NKX2-5: variants seen among roughly 807,000 people sequenced by gnomAD.
The protein encoded by NKX2-5 is NK2 homeobox 5.
NKX2-5 carries 3 observed loss-of-function variants against 24.5 expected under a neutral mutation model. The observed-to-expected ratio is 0.12, with a 90% CI of 0.06 to 0.32. The LOEUF is 0.32. NKX2-5 is among the 10% of genes least tolerant of loss of function. The pLI is 1.00. For synonymous variants in NKX2-5, 215 were observed against 217.6 expected, an observed-to-expected ratio of 0.99 and a Z score of 0.11; for missense variants, 429 against 452.4, an observed-to-expected ratio of 0.95 and a Z score of 0.47.
chr5:173,232,560 G>A lies in NKX2-5; in HGVS notation c.*9C>T. On this transcript the variant is annotated 3_prime_UTR_variant, in exon 2 of 2. Transcript: ENST00000329198. This position sits in a 1 kb window ranked among gnomAD's most constrained non-coding sequence, Gnocchi z 5.9. Reference sequence around the variant, plus strand: ...GATCGGTCAGGGTCGCGCCACGCGGGTCCCTTCCCTACCAGGCTCGGATAC... The same window carrying A: ...GATCGGTCAGGGTCGCGCCACGCGGATCCCTTCCCTACCAGGCTCGGATAC... The A allele has an allele frequency of 1.9e-6, 3 of 1,605,458 alleles. No homozygotes were observed. The highest frequency in any genetic ancestry group is 2.5e-6 in the Non-Finnish European group (3 of 1,179,942).
chr5:173,232,296 G>C lies in NKX2-5; in HGVS notation c.*273C>G, dbSNP rs1354201241. On this transcript the variant is annotated 3_prime_UTR_variant, in exon 2 of 2. Coordinates refer to ENST00000329198, the MANE Select transcript of NKX2-5 (RefSeq NM_004387.4). This position sits in a 1 kb window ranked among gnomAD's most constrained non-coding sequence, Gnocchi z 5.9. The stretch of plus-strand genomic sequence containing the variant: ...CCCGAGCTCAGTCCCAGTTCCAACC[G>C]GGGGTGCCCATGGACTCTCGGAGGG... 2 of 548,456 alleles carry C rather than the reference G, an allele frequency of 3.6e-6. No homozygotes were observed. Among genetic ancestry groups the C allele is most frequent in the Non-Finnish European group, 3.1e-6 (1 of 320,030 alleles). The allele number at this position is 548,456 out of a possible 1,614,324, so 34.0% of individuals were successfully genotyped here. A position where few individuals can be genotyped will look rare whatever the true frequency, so the allele number is the denominator to read the frequency against.
rs1325563759 is a variant in NKX2-5, at chr5:173,232,380, A to T, written c.*189T>A. On this transcript the variant is annotated 3_prime_UTR_variant, in exon 2 of 2. Transcript: ENST00000329198. This position sits in a 1 kb window ranked among gnomAD's most constrained non-coding sequence, Gnocchi z 5.9. The stretch of plus-strand genomic sequence containing the variant: ...CAGGATCACTCATTGCACGCTGCAT[A>T]ATCGCCGCCACAAACTCTCCCGTGC... 1 of 1,097,048 alleles carries T rather than the reference A, an allele frequency of 9.1e-7. No homozygotes were observed. Among genetic ancestry groups the T allele is most frequent in the African/African-American group, 1.6e-5 (1 of 63,626 alleles). 68.0% of individuals were successfully genotyped at this position (1,097,048 alleles called of 1,614,324 possible). A position where few individuals can be genotyped will look rare whatever the true frequency, so the allele number is the denominator to read the frequency against.
chr5:173,233,071 T>A lies in NKX2-5; in HGVS notation c.473A>T (p.Lys158Met), dbSNP rs1761358755. Residue 158 changes from lysine (K) to methionine (M), a missense_variant, in exon 2 of 2, where the codon AAG becomes ATG. Physicochemically the swap from Lys to Met is moderately conservative, Grantham distance 95. Around this residue, in one of 3 missense-constraint regions of NKX2-5, gnomAD observed 240 missense variants for 240.4 expected, o/e 1.00. Coordinates refer to ENST00000329198, the MANE Select transcript of NKX2-5 (RefSeq NM_004387.4). ...GGGGGCCGACAGGTACCGCTGCTGC[T>A]TGAAGCGCCGCTCCAGCTCATAGAC... ...AQVYELERRFKQQRYLSAPER... is the reference protein window; with the variant it reads ...AQVYELERRFMQQRYLSAPER... The A allele has an allele frequency of 6.2e-7, 1 of 1,602,644 alleles. No individual in the cohort carries two copies. Among genetic ancestry groups the A allele is most frequent in the Non-Finnish European group, 8.5e-7 (1 of 1,175,374 alleles).
At chr5:173,233,274 G>A (rs1460973806) in intron 1 of NKX2-5, 65 bp from the exon 2 acceptor site, 4 of 1,561,626 alleles carry the variant, frequency 2.6e-6, no homozygotes, top group South Asian at 1.2e-5. Flanking sequence ...GAGCGCGGCC[G>A]CACAGTAATG....
chr5:173,234,124 C>T, intron 1 of NKX2-5: 1 of 1,289,338 alleles, frequency 7.8e-7, no homozygotes, highest in Non-Finnish European at 1.0e-6. Flanking sequence ...CCGCCCTGGC[C>T]GCGCCGGCAA....
rs984722259 is a variant in NKX2-5 at position 173,233,050 on chromosome 5, G to A, written c.494C>T (p.Ala165Val). The A allele has an allele frequency of 7.5e-6, 12 of 1,604,882 alleles. No individual in the cohort carries two copies. The African/African-American group carries it at 1.2e-4, about 16-fold the overall frequency. The change falls in exon 2 of 2, where the codon GCC (alanine) becomes GTC (valine). Residue 165 changes from alanine (A) to valine (V), a missense_variant. Ala to Val is a moderately conservative substitution (Grantham distance 64). Around this residue, in one of 3 missense-constraint regions of NKX2-5, gnomAD observed 240 missense variants for 240.4 expected, o/e 1.00. Transcript: ENST00000329198. ...RRFKQQRYLS[A>V]PERDQLASVL... ...GCTGGCCAGCTGGTCGCGTTCGGGG[G>A]CCGACAGGTACCGCTGCTGCTTGAA... is the stretch of plus-strand genomic sequence containing the variant.
At chr5:173,233,237 C>G (rs777123005) in intron 1 of NKX2-5, 28 bp from the exon 2 acceptor site, 3 of 1,594,706 alleles carry the variant, frequency 1.9e-6, no homozygotes, top group South Asian at 2.2e-5. Flanking sequence ...GGCAGAGAGA[C>G]GCTTGGTAAG....
chr5:173,233,515 AAAAAT>A (rs777437672), intron 1 of NKX2-5: 50 of 848,894 alleles, frequency 5.9e-5, no homozygotes, highest in African/African-American at 1.1e-4. Context: ...CAAAAAAAAA[AAAAAT>A]AAATAAAAAA....
At chr5:173,233,501 G>T in intron 1 of NKX2-5, 2 of 812,816 alleles carry the variant, frequency 2.5e-6, no homozygotes, top group Non-Finnish European at 1.8e-6. Context: ...AAAATTTCAG[G>T]CTGCAAAAAA....
intron 1 of NKX2-5, chr5:173,233,793 C>A (rs1192916522): frequency 1.0e-6 from 1 of 973,060 alleles, no homozygotes; most frequent in East Asian, 1.1e-4. Context: ...CTGGCTTCCT[C>A]GAATTGGTAG....
chr5:173,234,513 G>T (rs995937273), intron 1 of NKX2-5, among the ~76,000 whole-genome samples: 7 of 152,130 alleles, frequency 4.6e-5, no homozygotes, highest in African/African-American at 1.4e-4. Flanking sequence ...GTTAGGCCGG[G>T]GGGAAACGTT....
At position 173,233,099 on chromosome 5, in the gene NKX2-5, G is replaced by A. The variant is rs1761359833; in HGVS notation, c.445C>T (p.Gln149Ter). 1 of 1,599,462 alleles carries A rather than the reference G, an allele frequency of 6.3e-7. No individual in the cohort carries two copies. The highest frequency in any genetic ancestry group is 8.5e-7 in the Non-Finnish European group (1 of 1,173,872). The change falls in exon 2 of 2, where the codon CAG becomes TAG. Residue 149 changes from glutamine (Q) to a stop codon, truncating the protein, a stop_gained. Coordinates refer to ENST00000329198, the MANE Select transcript of NKX2-5 (RefSeq NM_004387.4). LOFTEE classifies it high-confidence loss of function. Reference protein sequence around the residue: ...RKPRVLFSQAQVYELERRFKQ... With the variant: ...RKPRVLFSQA ...AAGCGCCGCTCCAGCTCATAGACCT[G>A]CGCCTGCGAGAAGAGCACGCGCGGC...
chr5:173,232,604 C>T lies in NKX2-5; in HGVS notation c.940G>A (p.Gly314Arg), dbSNP rs1761340979. The change falls in exon 2 of 2, where the codon GGA (glycine) becomes AGA (arginine). Residue 314 changes from glycine to arginine, a missense_variant. Transcript: ENST00000329198. The surrounding 1 kb of genome is among the most constrained non-coding windows in gnomAD (Gnocchi z 5.9). ...QSPGIPQSNS[G>R]VSTLHGIRAW ...CGGATACCATGCAGCGTGGACACTC[C>T]CGAGTTGCTCTGCGGAATCCCGGGG... 6.2e-7 allele frequency: 1 copy of T among 1,612,628 alleles called. No individual in the cohort carries two copies. Among genetic ancestry groups the T allele is most frequent in the South Asian group, 1.1e-5 (1 of 91,092 alleles).
In NKX2-5 at chr5:173,232,173, T is replaced by TA. The variant is rs1761326330; in HGVS notation, c.*395dup. The TA allele has an allele frequency of 4.1e-6, 1 of 244,382 alleles. No individual in the cohort carries two copies. Among genetic ancestry groups the TA allele is most frequent in the Admixed American group, 5.1e-5 (1 of 19,700 alleles). The allele number at this position is 244,382 out of a possible 1,614,324, so 15.1% of individuals were successfully genotyped here. ...TTACAGCAATAGGTAAAAACATAAA[T>TA]ACGGGTGGGTGCGTGGGCGGGCGAC... On this transcript the variant is annotated 3_prime_UTR_variant, in exon 2 of 2. Transcript: ENST00000329198. The surrounding 1 kb of genome is among the most constrained non-coding windows in gnomAD (Gnocchi z 5.9).
intron 1 of NKX2-5, 131 bp from the exon 2 acceptor site, chr5:173,233,340 G>A: frequency 2.0e-6 from 3 of 1,537,056 alleles, no homozygotes; most frequent in South Asian, 1.2e-5. Context: ...AGCTGGCTGC[G>A]GCTCACTCTG....
intron 1 of NKX2-5, chr5:173,234,311 G>A (rs888697639): frequency 6.1e-6 from 6 of 985,158 alleles, no homozygotes; most frequent in Non-Finnish European, 7.2e-6. Context: ...CCGATTGTAC[G>A]CAAAAGCTGT....
At chr5:173,233,424 G>A in intron 1 of NKX2-5, 1 of 1,525,972 alleles carries the variant, frequency 6.6e-7, no homozygotes, top group Non-Finnish European at 8.8e-7. Context: ...AGGCGCTGGA[G>A]AACAAAACGG....
intron 1 of NKX2-5, chr5:173,234,352 C>A: frequency 1.0e-6 from 1 of 957,456 alleles, no homozygotes; most frequent in Non-Finnish European, 1.2e-6. Flanking sequence ...TTCTGTTTAG[C>A]GGTTCTCATC....
chr5:173,234,044 A>C (rs1218601333), intron 1 of NKX2-5: 10 of 1,288,972 alleles, frequency 7.8e-6, no homozygotes, highest in Non-Finnish European at 1.0e-5. Context: ...ATGATCCCGC[A>C]CTCATCTCGT....
Sources: gnomAD v4.1 joint callset for allele counts (sites outside exome capture counted in the v4.1 genomes callset) on GRCh38, gnomAD v4.1.1 for gene constraint, gnomAD v4.1.1 regional missense constraint, Gnocchi (gnomAD v3.1) non-coding constraint, MANE v1.5 for transcripts, NCBI Gene and HGNC (gene_info 2026-07-23, HGNC 2026-07-21) for gene names.